Variants in KATNB1 observed in about 807,000 individuals in gnomAD.
KATNB1 encodes katanin regulatory subunit B1, also known as katanin p80 WD40 repeat-containing subunit B1.
Under a neutral mutation model 82.3 loss-of-function variants are expected in KATNB1, and 38 were observed. That is an observed-to-expected ratio of 0.46 (90% CI 0.36 to 0.61). The LOEUF is 0.61. Among genes scored for constraint, KATNB1 ranks in the 20% least tolerant of loss-of-function variants. KATNB1 has a pLI of 0.00. For missense variants in KATNB1, 749 were observed against 915.7 expected (o/e 0.82, Z 2.35); for synonymous variants, 361 against 368.7 (o/e 0.98, Z 0.24).
chr16:57,752,585 G>A lies in KATNB1; in HGVS notation c.688G>A (p.Glu230Lys), dbSNP rs782650783. 6.4e-7 allele frequency: 1 copy of A among 1,568,700 alleles called. No homozygotes were observed. The highest frequency in any genetic ancestry group is 1.2e-5 in the South Asian group (1 of 85,322). Reference protein sequence around the residue: ...KFQVVSCIEGEPGPVRSVLFN... With the variant: ...KFQVVSCIEGKPGPVRSVLFN... ...CCAGGTGGTGAGCTGCATCGAAGGG[G>A]AGCCTGGGCCCGTCAGGTACGCAGG... The change falls in exon 9 of 20, where the codon GAG becomes AAG. Residue 230 changes from glutamate to lysine, a missense_variant. Around this residue, in one of 3 missense-constraint regions of KATNB1, gnomAD observed 247 missense variants for 349.4 expected, o/e 0.71. Transcript: ENST00000379661.
chr16:57,751,528 C>T lies in KATNB1; in HGVS notation c.433-113C>T. 1.8e-6 allele frequency: 2 copies of T among 1,093,146 alleles called. No individual in the cohort carries two copies. The highest frequency in any genetic ancestry group is 2.8e-6 in the Non-Finnish European group (2 of 721,770). The allele number at this position is 1,093,146 out of a possible 1,614,324, so 67.7% of individuals were successfully genotyped here. ...TTCATCAAACTGCTCCAAGCAGAAC[C>T]AGGCGGGTAACCAGTGTTGTTAGAT... On this transcript the variant is annotated intron_variant, in intron 6 of 19. Coordinates refer to ENST00000379661, the MANE Select transcript of KATNB1 (RefSeq NM_005886.3). The surrounding 1 kb of genome is among the most constrained non-coding windows in gnomAD (Gnocchi z 6.3).
At chr16:57,744,361 C>T in intron 3 of KATNB1, 33 bp from the exon 4 acceptor site, 9 of 1,555,602 alleles carry the variant, frequency 5.8e-6, no homozygotes, top group Non-Finnish European at 8.0e-6. Flanking sequence ...GTCTGTCCAG[C>T]AGTGCACGGA....
chr16:57,752,338 G>A lies in KATNB1; in HGVS notation c.633-192G>A, dbSNP rs12449078. On this transcript the variant is annotated intron_variant, in intron 8 of 19. Coordinates refer to ENST00000379661, the MANE Select transcript of KATNB1 (RefSeq NM_005886.3). ...AGGGCAGGGAGGCTCGTGGCTGTTGGGGCCAACCCTGGGGCCAGGGCCATC... is the reference window on the plus strand; with the variant it reads ...AGGGCAGGGAGGCTCGTGGCTGTTGAGGCCAACCCTGGGGCCAGGGCCATC... 36,060 of 644,726 alleles carry A rather than the reference G, an allele frequency of 0.056. 2,468 individuals carry two copies. The highest frequency in any genetic ancestry group is 0.2 in the East Asian group (7,240 of 36,722). The allele number at this position is 644,726 out of a possible 1,614,324, so 39.9% of individuals were successfully genotyped here. A position where few individuals can be genotyped will look rare whatever the true frequency, so the allele number is the denominator to read the frequency against.
chr16:57,751,914 T>C lies in KATNB1; in HGVS notation c.517-26T>C. On this transcript the variant is annotated intron_variant, in intron 7 of 19. Coordinates refer to ENST00000379661, the MANE Select transcript of KATNB1 (RefSeq NM_005886.3). This position sits in a 1 kb window ranked among gnomAD's most constrained non-coding sequence, Gnocchi z 6.3. The stretch of plus-strand genomic sequence containing the variant: ...GGGCAGCCAAGATGCCTGGTCACCC[T>C]GACCTCCTCCCTGCCCTGCCTCCAG... 1 of 1,579,956 alleles carries C rather than the reference T, an allele frequency of 6.3e-7. No individual in the cohort carries two copies.
chr16:57,742,008 C>T (rs2049147598), intron 3 of KATNB1, among the ~76,000 whole-genome samples, 191 bp downstream of exon 3: 1 of 152,220 alleles, frequency 6.6e-6, no homozygotes, highest in Non-Finnish European at 1.5e-5. Context: ...GCTGTCTGCT[C>T]AGTGAGGCCC....
At chr16:57,748,428 C>T (rs2148792801) in intron 4 of KATNB1, among the ~76,000 whole-genome samples, 1 of 149,748 alleles carries the variant, frequency 6.7e-6, no homozygotes, top group East Asian at 2.0e-4. Context: ...GAGTTTAAGA[C>T]TAACCTGGGC....
At chr16:57,752,172 C>T in intron 8 of KATNB1, 117 bp downstream of exon 8, 2 of 725,096 alleles carry the variant, frequency 2.8e-6, no homozygotes, top group South Asian at 1.5e-5. Flanking sequence ...TCTGATGATC[C>T]TGTGTGGACT....
chr16:57,752,735 G>A (rs1555583834), intron 9 of KATNB1, 43 bp from the exon 10 acceptor site: 11 of 1,595,626 alleles, frequency 6.9e-6, no homozygotes, highest in Non-Finnish European at 9.4e-6. Context: ...TGGGGACCAG[G>A]CTGGGTGCCA....
At chr16:57,749,420 TAGAGA>T (rs1176445828) in intron 4 of KATNB1, among the ~76,000 whole-genome samples, 6 of 152,184 alleles carry the variant, frequency 3.9e-5, no homozygotes, top group African/African-American at 1.4e-4. Flanking sequence ...ACTTTGGGGG[TAGAGA>T]AGATCATACA....
At chr16:57,744,727 G>GTGTGTGTGTTTGGATGTA (rs1186129378) in intron 4 of KATNB1, among the ~76,000 whole-genome samples, 4 of 150,262 alleles carry the variant, frequency 2.7e-5, no homozygotes, top group Non-Finnish European at 6.0e-5. Context: ...GGGTGTGTGT[G>GTGTGTGTGTTTGGATGTA]TGTGTGTGTT....
intron 13 of KATNB1, 116 bp from the exon 14 acceptor site, chr16:57,754,814 C>A: frequency 9.3e-7 from 1 of 1,075,896 alleles, no homozygotes; most frequent in Non-Finnish European, 1.4e-6. Flanking sequence ...GCAGCCTCCC[C>A]CATGCTCCTG....
At chr16:57,752,147 C>A in intron 8 of KATNB1, 92 bp downstream of exon 8, 1 of 826,062 alleles carries the variant, frequency 1.2e-6, no homozygotes, top group South Asian at 1.4e-5. Flanking sequence ...CTGTCGCTGT[C>A]TGGGGTGTCA....
At chr16:57,755,771 C>T in intron 16 of KATNB1, 70 bp from the exon 17 acceptor site, 1 of 1,442,156 alleles carries the variant, frequency 6.9e-7, no homozygotes, top group South Asian at 1.3e-5. Flanking sequence ...CGTTCGTACC[C>T]CCACCCTCAC....
chr16:57,740,681 G>T (rs2049135566), intron 2 of KATNB1, among the ~76,000 whole-genome samples: 1 of 152,200 alleles, frequency 6.6e-6, no homozygotes, highest in African/African-American at 2.4e-5. Flanking sequence ...TTCCCTGCCT[G>T]TGCTTTGCTC....
rs1213113025 is a variant in KATNB1 at position 57,737,163 on chromosome 16, TG to T, written c.-73del. 1.3e-4 allele frequency: 196 copies of T among 1,511,456 alleles called. No homozygotes were observed. Among genetic ancestry groups the T allele is most frequent in the Middle Eastern group, 1.8e-4 (1 of 5,588 alleles). 93.6% of individuals were successfully genotyped at this position (1,511,456 alleles called of 1,614,324 possible). ...TCTCTGCCAACTTGATTGGTGGATC[TG>T]GGGGGGGATCCACCCCCACCCCACG... On this transcript the variant is annotated 5_prime_UTR_variant, in exon 2 of 20. The change abolishes the stop of an existing upstream ORF in the 5' untranslated region. Coordinates refer to ENST00000379661, the MANE Select transcript of KATNB1 (RefSeq NM_005886.3).
At chr16:57,738,358 C>T (rs1436977965) in intron 2 of KATNB1, among the ~76,000 whole-genome samples, 1 of 151,604 alleles carries the variant, frequency 6.6e-6, no homozygotes, top group Non-Finnish European at 1.5e-5. Context: ...CGGGTTCATG[C>T]GATTCTCGTG....
chr16:57,740,368 C>T (rs1440833527), intron 2 of KATNB1, among the ~76,000 whole-genome samples: 2 of 152,182 alleles, frequency 1.3e-5, no homozygotes, highest in East Asian at 3.9e-4. Flanking sequence ...CCCTTGGAGC[C>T]CAGGTTTCTG....
At position 57,756,052 on chromosome 16, in the gene KATNB1, G is replaced by C. The variant is rs1024602813; in HGVS notation, c.1704G>C (p.Gln568His). The change falls in exon 18 of 20, where the codon CAG becomes CAC. Residue 568 changes from glutamine to histidine, a missense_variant. This residue lies in a region of KATNB1 where 95 missense variants were observed against 131.6 expected (regional missense o/e 0.72). Coordinates refer to ENST00000379661, the MANE Select transcript of KATNB1 (RefSeq NM_005886.3). ...TGCCACAGATTGAGAAGCTTCTGCA[G>C]AGCAAGTATGAGAGGTGCGTGTGGG... ...TVLPQIEKLL[Q>H]SKYESYVQTG... 11 of 1,607,960 alleles carry C rather than the reference G, an allele frequency of 6.8e-6. No individual in the cohort carries two copies. The highest frequency in any genetic ancestry group is 1.6e-4 in the Middle Eastern group (1 of 6,084).
At chr16:57,745,096 T>A (rs1346307673) in intron 4 of KATNB1, among the ~76,000 whole-genome samples, 1 of 152,222 alleles carries the variant, frequency 6.6e-6, no homozygotes, top group Admixed American at 6.5e-5. Flanking sequence ...AAGAGGAAAC[T>A]TCTGCCCCAC....
Sources: gnomAD v4.1 joint callset for allele counts (sites outside exome capture counted in the v4.1 genomes callset) on GRCh38, gnomAD v4.1.1 for gene constraint, gnomAD v4.1.1 regional missense constraint, Gnocchi (gnomAD v3.1) non-coding constraint, MANE v1.5 for transcripts, NCBI Gene and HGNC (gene_info 2026-07-23, HGNC 2026-07-21) for gene names.